LDLRAD3: variants seen among roughly 807,000 people sequenced by gnomAD.
LDLRAD3 encodes low-density lipoprotein receptor class A domain-containing protein 3.
A neutral mutation model predicts 29.4 loss-of-function variants in LDLRAD3; 20 were observed. The ratio of observed to expected loss-of-function variants is 0.68; its 90% CI spans 0.48 to 0.99. The LOEUF is 0.99. LDLRAD3 is among the 50% of genes least tolerant of loss of function. LDLRAD3 has a pLI of 0.00. For synonymous variants in LDLRAD3, 157 were observed against 192.7 expected (o/e 0.81, Z 1.53); for missense variants, 420 against 454.3 (o/e 0.92, Z 0.69).
chr11:35,994,483 T>A (rs1197188058), intron 1 of LDLRAD3, among the ~76,000 whole-genome samples: 4 of 152,144 alleles, frequency 2.6e-5, no homozygotes, highest in Non-Finnish European at 5.9e-5. Context: ...ACATCTAGCC[T>A]TCAGTCAGTT....
chr11:36,191,804 A>G (rs1011672157), intron 4 of LDLRAD3, among the ~76,000 whole-genome samples: 2 of 151,912 alleles, frequency 1.3e-5, no homozygotes, highest in African/African-American at 2.4e-5. Flanking sequence ...TTCAAATCAT[A>G]GTATACCTGT....
At chr11:36,045,665 G>A (rs553643899) in intron 2 of LDLRAD3, among the ~76,000 whole-genome samples, 1 of 151,432 alleles carries the variant, frequency 6.6e-6, no homozygotes, top group South Asian at 2.1e-4. Context: ...AATCATGGGG[G>A]TGGGTTTTTC....
chr11:36,139,401 G>T (rs1341978696), intron 4 of LDLRAD3, among the ~76,000 whole-genome samples: 2 of 152,122 alleles, frequency 1.3e-5, no homozygotes, highest in African/African-American at 4.8e-5. Flanking sequence ...CCCCATTCAG[G>T]TCTCACTGTT....
chr11:35,994,718 AG>A (rs1276047518), intron 1 of LDLRAD3, among the ~76,000 whole-genome samples: 2 of 152,228 alleles, frequency 1.3e-5, no homozygotes, highest in Non-Finnish European at 2.9e-5. Flanking sequence ...TCAAAATTGG[AG>A]TCAGTCTTCT....
At chr11:36,015,306 T>TTCCC (rs1852006780) in intron 1 of LDLRAD3, among the ~76,000 whole-genome samples, 5 of 87,724 alleles carry the variant, frequency 5.7e-5, no homozygotes, top group African/African-American at 2.2e-4. Flanking sequence ...GACATGCCAT[T>TTCCC]CCCCCCCCCC....
At chr11:35,969,173 G>T (rs911921637) in intron 1 of LDLRAD3, among the ~76,000 whole-genome samples, 23 of 152,124 alleles carry the variant, frequency 1.5e-4, no homozygotes, top group Non-Finnish European at 2.8e-4. Flanking sequence ...CTGTCTTCTC[G>T]GTCGAGGTCC....
rs999220610 is a variant in LDLRAD3 at position 36,227,055 on chromosome 11, C to T, written c.455-30C>T. 2.7e-6 allele frequency: 4 copies of T among 1,505,806 alleles called. No individual in the cohort carries two copies. The Admixed American group carries it at 8.2e-5, about 31-fold the overall frequency. The allele number at this position is 1,505,806 out of a possible 1,614,324, so 93.3% of individuals were successfully genotyped here. A position where few individuals can be genotyped will look rare whatever the true frequency, so the allele number is the denominator to read the frequency against. ...AGATTAGCCAAACTGGTAACCTTCT[C>T]TCTTTTCTCTCCTCTCTTGGGTTTC... is the stretch of plus-strand genomic sequence containing the variant. On this transcript the variant is annotated intron_variant, in intron 4 of 5. Transcript: ENST00000315571.
At chr11:36,133,842 T>C (rs1853965985) in intron 4 of LDLRAD3, among the ~76,000 whole-genome samples, 1 of 152,090 alleles carries the variant, frequency 6.6e-6, no homozygotes, top group Non-Finnish European at 1.5e-5. Flanking sequence ...CGGCCCATTT[T>C]CTACATCGAA....
At chr11:36,142,763 G>C (rs970084048) in intron 4 of LDLRAD3, among the ~76,000 whole-genome samples, 1 of 152,152 alleles carries the variant, frequency 6.6e-6, no homozygotes, top group African/African-American at 2.4e-5. Flanking sequence ...GCAGGAGGGC[G>C]CTTTCTGCAT....
Position 36,091,268 on chromosome 11 carries a change from T to A in LDLRAD3, c.320-7059T>A, listed in dbSNP as rs182354828. ...CATTTATGTGTTTTTGTCAAGACCC[T>A]TTGAGGTAGGAGAGGAGCCGACTTC... On this transcript the variant is annotated intron_variant, in intron 3 of 5. Transcript: ENST00000315571. 1.2e-4 allele frequency among the ~76,000 whole-genome samples: 19 copies of A among 152,288 alleles called. 1 individual carries two copies. Among genetic ancestry groups the A allele is most frequent in the Admixed American group, 1.2e-3 (18 of 15,302 alleles).
chr11:36,114,905 C>T (rs1290517946), intron 4 of LDLRAD3, among the ~76,000 whole-genome samples: 1 of 152,216 alleles, frequency 6.6e-6, no homozygotes, highest in Non-Finnish European at 1.5e-5. Flanking sequence ...TTGAGAGGTA[C>T]AGACTGTGTC....
At chr11:35,955,940 C>T (rs1851195068) in intron 1 of LDLRAD3, among the ~76,000 whole-genome samples, 1 of 152,198 alleles carries the variant, frequency 6.6e-6, no homozygotes, top group African/African-American at 2.4e-5. Context: ...CACCTGCTCC[C>T]TGGATCTACA....
chr11:35,965,496 G>T (rs1053186630), intron 1 of LDLRAD3, among the ~76,000 whole-genome samples: 11 of 152,176 alleles, frequency 7.2e-5, no homozygotes, highest in African/African-American at 2.4e-4. Context: ...CCATGGGAGG[G>T]TGTAGGTAAT....
At chr11:36,096,292 C>G (rs1224039175) in intron 3 of LDLRAD3, among the ~76,000 whole-genome samples, 1 of 152,222 alleles carries the variant, frequency 6.6e-6, no homozygotes. Context: ...GTTCACAACA[C>G]CTCAGCGAAG....
chr11:35,950,058 A>G (rs1851111555), intron 1 of LDLRAD3, among the ~76,000 whole-genome samples: 1 of 152,228 alleles, frequency 6.6e-6, no homozygotes. Context: ...GTCTATTTCC[A>G]GGGGTAGGCG....
chr11:36,006,134 A>C (rs976886918), intron 1 of LDLRAD3, among the ~76,000 whole-genome samples: 1 of 152,150 alleles, frequency 6.6e-6, no homozygotes, highest in Non-Finnish European at 1.5e-5. Context: ...CAGAGACCTC[A>C]ATGGTGGGTA....
At chr11:36,124,003 G>C (rs1344368904) in intron 4 of LDLRAD3, among the ~76,000 whole-genome samples, 4 of 152,200 alleles carry the variant, frequency 2.6e-5, no homozygotes, top group Non-Finnish European at 5.9e-5. Flanking sequence ...AAATAAAAGG[G>C]GGAGGATGAA....
At chr11:36,098,542 A>ACCCATT in intron 4 of LDLRAD3, 81 bp downstream of exon 4, 10 of 1,505,770 alleles carry the variant, frequency 6.6e-6, no homozygotes, top group Non-Finnish European at 9.1e-6. Context: ...AGAAAGCAAC[A>ACCCATT]CCCATTCCCA....
At chr11:36,033,861 TG>T (rs1274031465) in intron 1 of LDLRAD3, among the ~76,000 whole-genome samples, 1 of 152,192 alleles carries the variant, frequency 6.6e-6, no homozygotes, top group Non-Finnish European at 1.5e-5. Context: ...TATTGATTCT[TG>T]GCTCGGTGGA....
Sources: allele counts gnomAD v4.1 joint callset (sites outside exome capture counted in the v4.1 genomes callset), GRCh38; gene constraint gnomAD v4.1.1; transcripts MANE v1.5; gene names NCBI Gene and HGNC (gene_info 2026-07-23, HGNC 2026-07-21).